Variants in SUMF1 observed in about 807,000 individuals in gnomAD.
The protein encoded by SUMF1 is formylglycine-generating enzyme.
Under a neutral mutation model 47.6 loss-of-function variants are expected in SUMF1, and 48 were observed. The observed-to-expected ratio is 1.01, with a 90% CI of 0.80 to 1.28. The LOEUF is 1.28. SUMF1 is among the 50% of genes most tolerant of loss of function. The pLI, the probability that SUMF1 is intolerant of heterozygous loss-of-function variation, is 0.00. For missense variants in SUMF1, 571 were observed against 485.4 expected (o/e 1.18, Z -1.66); for synonymous variants, 230 against 192.1 (o/e 1.20, Z -1.63).
At chr3:4,171,951 C>G (rs193159087) in intron 8 of SUMF1, among the ~76,000 whole-genome samples, 8 of 152,214 alleles carry the variant, frequency 5.3e-5, no homozygotes, top group Admixed American at 2.0e-4. Context: ...CTTTGAGGCA[C>G]CTTAAATCAC....
At chr3:4,437,058 T>C (rs758870898) in intron 3 of SUMF1, among the ~76,000 whole-genome samples, 5 of 152,142 alleles carry the variant, frequency 3.3e-5, no homozygotes, top group Non-Finnish European at 7.4e-5. Context: ...ACAAGAAAGT[T>C]TACTACCAAC....
At chr3:4,225,066 A>G (rs756028457) in intron 8 of SUMF1, among the ~76,000 whole-genome samples, 1 of 152,118 alleles carries the variant, frequency 6.6e-6, no homozygotes, top group Non-Finnish European at 1.5e-5. Context: ...GTGGCCATGT[A>G]CCAAATTAAT....
At chr3:4,248,621 G>A (rs1156823259) in intron 8 of SUMF1, among the ~76,000 whole-genome samples, 2 of 152,128 alleles carry the variant, frequency 1.3e-5, no homozygotes, top group Admixed American at 1.3e-4. Flanking sequence ...TGGGAGAATT[G>A]ATATAAGAAA....
intron 8 of SUMF1, among the ~76,000 whole-genome samples, chr3:4,328,291 C>T (rs1435978840): frequency 6.6e-6 from 1 of 151,992 alleles, no homozygotes; most frequent in African/African-American, 2.4e-5. Context: ...AAAACTTTTA[C>T]TGTTTTATGG....
At position 4,157,409 on chromosome 3, in the gene SUMF1, A is replaced by C. The variant is rs193230007; in HGVS notation, c.1015-88664T>G. Among the ~76,000 whole-genome samples the C allele has an allele frequency of 4.6e-5, 7 of 151,738 alleles. No homozygotes were observed. The East Asian group carries it at 1.3e-3, about 29-fold the overall frequency. On this transcript the variant is annotated intron_variant and NMD_transcript_variant, in intron 8 of 12. Transcript: ENST00000448413. ...TCCATAAGTTTATGATGGAATATTT[A>C]TCAACATTACAGGTATTTTATTCTG... is the stretch of plus-strand genomic sequence containing the variant.
At chr3:4,242,692 C>T (rs2662130) in intron 8 of SUMF1, among the ~76,000 whole-genome samples, 106,622 of 152,058 alleles carry the variant, frequency 0.7, 38,922 homozygotes, top group African/African-American at 0.92. Flanking sequence ...TTATTGAGGA[C>T]TTTTGCATCG....
intron 7 of SUMF1, among the ~76,000 whole-genome samples, chr3:4,409,078 G>T (rs1489850587): frequency 6.6e-6 from 1 of 152,172 alleles, no homozygotes; most frequent in Non-Finnish European, 1.5e-5. Flanking sequence ...GTGACCTCAT[G>T]TGACTTGCTC....
At chr3:4,199,382 T>C (rs772811368) in intron 8 of SUMF1, among the ~76,000 whole-genome samples, 8 of 152,158 alleles carry the variant, frequency 5.3e-5, no homozygotes, top group Non-Finnish European at 8.8e-5. Flanking sequence ...ATTCCCCAGC[T>C]GAAGGATATT....
intron 8 of SUMF1, among the ~76,000 whole-genome samples, chr3:4,301,226 C>G (rs1697956552): frequency 6.6e-6 from 1 of 152,114 alleles, no homozygotes; most frequent in Non-Finnish European, 1.5e-5. Flanking sequence ...ACTGGAGATA[C>G]AAGAACAATG....
rs768840346 is a variant in SUMF1, at chr3:4,313,748, G to A, written c.1014+62582C>T. On this transcript the variant is annotated intron_variant and NMD_transcript_variant, in intron 8 of 12. Coordinates refer to the SUMF1 transcript ENST00000448413. ...CCTTCTGTGTTCCCCTCCTGCAAGC[G>A]ATTGACCCTTGAGGTGAGTCTGTTC... 85 of 1,613,890 alleles carry A rather than the reference G, an allele frequency of 5.3e-5. No homozygotes were observed. Among genetic ancestry groups the A allele is most frequent in the Non-Finnish European group, 6.5e-5 (77 of 1,179,954 alleles).
At chr3:4,365,466 T>C (rs1247639384) in intron 8 of SUMF1, among the ~76,000 whole-genome samples, 3 of 130,398 alleles carry the variant, frequency 2.3e-5, no homozygotes, top group East Asian at 4.1e-4. Context: ...TTTATCATTA[T>C]GTAATGGCCT....
At chr3:4,151,387 A>G (rs1442549168) in intron 8 of SUMF1, among the ~76,000 whole-genome samples, 1 of 105,358 alleles carries the variant, frequency 9.5e-6, no homozygotes, top group East Asian at 2.1e-4. Flanking sequence ...GTGTATATAT[A>G]TGTATATATA....
At chr3:4,435,238 A>G (rs1311323604) in intron 3 of SUMF1, among the ~76,000 whole-genome samples, 2 of 152,204 alleles carry the variant, frequency 1.3e-5, no homozygotes, top group African/African-American at 4.8e-5. Context: ...AAGACTTTAA[A>G]GGAGCTATTA....
chr3:4,168,759 C>A (rs1023599148), intron 8 of SUMF1, among the ~76,000 whole-genome samples: 2 of 151,942 alleles, frequency 1.3e-5, no homozygotes, highest in Non-Finnish European at 2.9e-5. Context: ...ATTATATTAC[C>A]CAGTATTGTG....
chr3:4,141,236 C>T (rs578168407), intron 8 of SUMF1, among the ~76,000 whole-genome samples: 1 of 152,174 alleles, frequency 6.6e-6, no homozygotes, highest in Non-Finnish European at 1.5e-5. Context: ...CCTTTTATCT[C>T]ATTTCCCTCC....
At chr3:4,088,924 T>C (rs180914685) in intron 8 of SUMF1, among the ~76,000 whole-genome samples, 2 of 152,198 alleles carry the variant, frequency 1.3e-5, no homozygotes, top group East Asian at 1.9e-4. Context: ...AATGAATATA[T>C]GGACAAATGA....
At chr3:4,082,498 AT>A (rs1184059109) in intron 8 of SUMF1, among the ~76,000 whole-genome samples, 1 of 152,058 alleles carries the variant, frequency 6.6e-6, no homozygotes, top group Non-Finnish European at 1.5e-5. Flanking sequence ...AATTAATTTA[AT>A]TAAAAGTTAA....
chr3:4,163,906 C>G (rs1316288201), intron 8 of SUMF1, among the ~76,000 whole-genome samples: 2 of 152,128 alleles, frequency 1.3e-5, no homozygotes. Flanking sequence ...ATTTCTACAG[C>G]CCTGCCCTGG....
intron 8 of SUMF1, among the ~76,000 whole-genome samples, chr3:4,135,204 T>C (rs374936673): frequency 1.3e-5 from 2 of 152,074 alleles, no homozygotes; most frequent in Admixed American, 6.6e-5. Context: ...CCTTGATGAA[T>C]ATTGATGCAA....
Sources: gnomAD v4.1 joint callset for allele counts (sites outside exome capture counted in the v4.1 genomes callset) on GRCh38, gnomAD v4.1.1 for gene constraint, MANE v1.5 for transcripts, NCBI Gene and HGNC (gene_info 2026-07-23, HGNC 2026-07-21) for gene names.